LRGUK: variants seen among roughly 807,000 people sequenced by gnomAD.
LRGUK encodes leucine-rich repeat and guanylate kinase domain-containing protein.
Under a neutral mutation model 76.0 loss-of-function variants are expected in LRGUK, and 65 were observed. The observed-to-expected ratio is 0.85, with a 90% CI of 0.70 to 1.05. The LOEUF is 1.05. Among genes scored for constraint, LRGUK ranks in the 50% least tolerant of loss-of-function variants. LRGUK has a pLI of 0.00. For missense variants in LRGUK, 758 were observed against 732.8 expected (o/e 1.03, Z -0.40); for synonymous variants, 268 against 265.6 (o/e 1.01, Z -0.09).
intron 16 of LRGUK, among the ~76,000 whole-genome samples, chr7:134,228,306 A>G (rs376553046): frequency 4.6e-5 from 7 of 152,120 alleles, no homozygotes; most frequent in East Asian, 3.8e-4. Context: ...AAGAAACAGA[A>G]TTTGTCACAG....
chr7:134,237,018 AC>A (rs1280189240), intron 16 of LRGUK, among the ~76,000 whole-genome samples: 2 of 149,696 alleles, frequency 1.3e-5, no homozygotes, highest in African/African-American at 4.9e-5. Context: ...ATCAGTTCTT[AC>A]AGGATCAGCA....
At chr7:134,163,367 A>G in intron 6 of LRGUK, 30 bp from the exon 7 acceptor site, 1 of 1,585,018 alleles carries the variant, frequency 6.3e-7, no homozygotes, top group Non-Finnish European at 8.6e-7. Flanking sequence ...GAGGTCTTTG[A>G]GACATTAAAT....
In LRGUK at chr7:134,139,307, T is replaced by G. The variant is rs1797665965; in HGVS notation, c.406-129T>G. On this transcript the variant is annotated intron_variant, in intron 2 of 15. Transcript: ENST00000645682. ...ATCCTATTAGTAGCAGGCTTCAGAT[T>G]TTGTTCTCTCTCTTCTTCTATACTT... The G allele has an allele frequency of 1.9e-5, 12 of 622,820 alleles. No individual in the cohort carries two copies. The East Asian group carries it at 3.4e-4, about 18-fold the overall frequency. The allele number at this position is 622,820 out of a possible 1,614,324, so 38.6% of individuals were successfully genotyped here.
rs182892030 is a variant in LRGUK at position 134,202,788 on chromosome 7, G to T, written c.1843+1212G>T. 1.3e-5 allele frequency among the ~76,000 whole-genome samples: 2 copies of T among 152,308 alleles called. 1 individual carries two copies. The highest frequency in any genetic ancestry group is 1.3e-4 in the Admixed American group (2 of 15,310). ...TAGAACGGTAGTTGCCAGAGGCTAG[G>T]GAATGGGAGTGGTTTAATGGGTACA... On this transcript the variant is annotated intron_variant, in intron 15 of 15. Coordinates refer to ENST00000645682, the Ensembl canonical transcript of LRGUK.
At chr7:134,165,169 T>TA (rs1417933196) in intron 7 of LRGUK, among the ~76,000 whole-genome samples, 1 of 152,200 alleles carries the variant, frequency 6.6e-6, no homozygotes, top group African/African-American at 2.4e-5. Flanking sequence ...ATTCAGGTCA[T>TA]AAAATAATCT....
At chr7:134,199,527 C>T (rs952365270) in intron 14 of LRGUK, 106 bp downstream of exon 14, 40 of 955,286 alleles carry the variant, frequency 4.2e-5, no homozygotes, top group Middle Eastern at 3.3e-4. Flanking sequence ...TTTCTTGTAA[C>T]GGTGAATCAC....
intron 5 of LRGUK, among the ~76,000 whole-genome samples, chr7:134,157,812 C>A (rs558976460): frequency 6.6e-6 from 1 of 152,090 alleles, no homozygotes; most frequent in Non-Finnish European, 1.5e-5. Flanking sequence ...CGTGAGCCAC[C>A]GCACCCAGCC....
At chr7:134,185,420 G>C (rs1242090910) in intron 11 of LRGUK, among the ~76,000 whole-genome samples, 9 of 151,912 alleles carry the variant, frequency 5.9e-5, no homozygotes, top group Non-Finnish European at 1.3e-4. Context: ...AATTAGCTGG[G>C]TGTGTTGGCG....
At chr7:134,207,305 A>G (rs1319577649) in intron 15 of LRGUK, among the ~76,000 whole-genome samples, 1 of 152,160 alleles carries the variant, frequency 6.6e-6, no homozygotes, top group Non-Finnish European at 1.5e-5. Flanking sequence ...CTCTATACCC[A>G]TTAATCTATT....
chr7:134,167,011 G>C (rs1366832227), intron 7 of LRGUK, among the ~76,000 whole-genome samples: 3 of 152,174 alleles, frequency 2.0e-5, no homozygotes, highest in Non-Finnish European at 4.4e-5. Context: ...GTTGGACTGG[G>C]TGAGTCCTTG....
intron 11 of LRGUK, among the ~76,000 whole-genome samples, chr7:134,184,210 G>A (rs749137343): frequency 5.3e-5 from 8 of 151,896 alleles, no homozygotes; most frequent in Non-Finnish European, 1.0e-4. Flanking sequence ...TTGCTAAAGT[G>A]TACTCCTGGC....
chr7:134,190,201 A>T (rs1248484294), intron 11 of LRGUK, among the ~76,000 whole-genome samples: 1 of 152,102 alleles, frequency 6.6e-6, no homozygotes, highest in East Asian at 1.9e-4. Flanking sequence ...CTCATCTCTT[A>T]TTTTATTTTA....
chr7:134,222,442 T>G (rs1801624476), intron 16 of LRGUK, among the ~76,000 whole-genome samples: 1 of 152,212 alleles, frequency 6.6e-6, no homozygotes. Context: ...CAGATTAGGT[T>G]GTACTTGTTT....
intron 16 of LRGUK, 107 bp downstream of exon 16, chr7:134,222,025 C>G (rs1801613889): frequency 9.3e-7 from 1 of 1,080,188 alleles, no homozygotes; most frequent in Non-Finnish European, 1.2e-6. Context: ...AAATTATTCT[C>G]TCACTAGTGT....
intron 8 of LRGUK, among the ~76,000 whole-genome samples, chr7:134,175,214 G>T (rs1443241503): frequency 6.6e-6 from 1 of 152,102 alleles, no homozygotes; most frequent in Non-Finnish European, 1.5e-5. Flanking sequence ...TCTCTCCATT[G>T]ACAGATGCTT....
At chr7:134,216,770 C>G (rs1801445944) in intron 15 of LRGUK, among the ~76,000 whole-genome samples, 1 of 152,096 alleles carries the variant, frequency 6.6e-6, no homozygotes, top group Admixed American at 6.5e-5. Context: ...TCTATATACC[C>G]TCAGTGTCCT....
intron 6 of LRGUK, among the ~76,000 whole-genome samples, chr7:134,162,251 G>A (rs528845659): frequency 2.6e-5 from 4 of 152,194 alleles, no homozygotes; most frequent in African/African-American, 4.8e-5. Flanking sequence ...GCATTTAGCC[G>A]GCATCTTAGT....
At chr7:134,268,202 A>T (rs946179492), downstream of LRGUK, among the ~76,000 whole-genome samples, 2 of 133,560 alleles carry the variant, frequency 1.5e-5, no homozygotes, top group East Asian at 3.9e-4. Context: ...TTGAAAACAT[A>T]ATAAAATGGA....
chr7:134,256,433 T>C (rs1455971171), intron 18 of LRGUK, among the ~76,000 whole-genome samples: 3 of 134,568 alleles, frequency 2.2e-5, no homozygotes, highest in East Asian at 2.2e-4. Context: ...CACTCCATCC[T>C]GGGCAACAAG....
Sources: gnomAD v4.1 joint callset for allele counts (sites outside exome capture counted in the v4.1 genomes callset) on GRCh38, gnomAD v4.1.1 for gene constraint, MANE v1.5 for transcripts, NCBI Gene and HGNC (gene_info 2026-07-23, HGNC 2026-07-21) for gene names.